IBTK: variants seen among roughly 807,000 people sequenced by gnomAD.
IBTK encodes the protein inhibitor of Bruton tyrosine kinase.
A neutral mutation model predicts 154.9 loss-of-function variants in IBTK; 83 were observed. That is an observed-to-expected ratio of 0.54 (90% CI 0.45 to 0.64). The LOEUF is 0.64. Among genes scored for constraint, IBTK ranks in the 30% least tolerant of loss-of-function variants. The pLI is 0.00. For synonymous variants in IBTK, 515 were observed against 536.1 expected, an observed-to-expected ratio of 0.96 and a Z score of 0.54; for missense variants, 1,332 against 1,584.6, an observed-to-expected ratio of 0.84 and a Z score of 2.71.
In IBTK at chr6:82,173,324, G is replaced by T. The variant is rs186685564; in HGVS notation, c.3797+43C>A. 76 of 1,405,212 alleles carry T rather than the reference G, an allele frequency of 5.4e-5. 1 individual carries two copies. The East Asian group carries it at 1.6e-3, about 30-fold the overall frequency. 87.0% of individuals were successfully genotyped at this position (1,405,212 alleles called of 1,614,324 possible). ...GCCTTAATGTTTTCAATGCTAAGCA[G>T]CAACTTAGCTTTGGAGGCCCATAAC... On this transcript the variant is annotated intron_variant, in intron 27 of 28. Coordinates refer to ENST00000306270, the MANE Select transcript of IBTK (RefSeq NM_015525.4).
chr6:82,175,072 A>G (rs567739866), intron 26 of IBTK: 7 of 454,600 alleles, frequency 1.5e-5, no homozygotes, highest in African/African-American at 1.4e-4. Context: ...CTGCTAGACT[A>G]GTCTCTTGGG....
chr6:82,209,922 T>C (rs1042747188), intron 16 of IBTK, among the ~76,000 whole-genome samples: 3 of 152,146 alleles, frequency 2.0e-5, no homozygotes, highest in Non-Finnish European at 4.4e-5. Context: ...CTCTGTTGGA[T>C]TATATTTGTT....
intron 15 of IBTK, 22 bp from the exon 16 acceptor site, chr6:82,210,932 A>G (rs1385356155): frequency 7.5e-7 from 1 of 1,335,516 alleles, no homozygotes; most frequent in South Asian, 1.4e-5. Context: ...AAGACAAAAT[A>G]AAGTAAAATA....
Position 82,214,434 on chromosome 6 carries a change from G to C in IBTK, c.1997C>G (p.Ser666Cys). ...ATGGAAATTCACTTTATTCAAATGAGAATTCAGAGTTCCCTGATATTCTTC... is the reference window on the plus strand; with the variant it reads ...ATGGAAATTCACTTTATTCAAATGACAATTCAGAGTTCCCTGATATTCTTC... ...NPEEYQGTLN[S>C]HLNKVNFHED... Residue 666 changes from serine (S) to cysteine (C), a missense_variant, in exon 12 of 29, where the codon TCT becomes TGT. This residue lies in a region of IBTK where 1,134 missense variants were observed against 1,274.7 expected (regional missense o/e 0.89). Coordinates refer to ENST00000306270, the MANE Select transcript of IBTK (RefSeq NM_015525.4). 1 of 1,613,934 alleles carries C rather than the reference G, an allele frequency of 6.2e-7. No individual in the cohort carries two copies. The highest frequency in any genetic ancestry group is 8.5e-7 in the Non-Finnish European group (1 of 1,179,920).
intron 16 of IBTK, chr6:82,205,305 T>C (rs1769359622): frequency 6.1e-6 from 1 of 163,060 alleles, no homozygotes; most frequent in South Asian, 2.0e-4. Flanking sequence ...ATCTCCCATG[T>C]TGTTAGAAAA....
intron 16 of IBTK, among the ~76,000 whole-genome samples, chr6:82,209,261 C>T (rs1011184452): frequency 6.6e-6 from 1 of 152,136 alleles, no homozygotes; most frequent in Non-Finnish European, 1.5e-5. Context: ...CACGCAAAAA[C>T]TTAGGCATGA....
At chr6:82,180,735 C>T (rs1201612225) in intron 26 of IBTK, among the ~76,000 whole-genome samples, 1 of 152,094 alleles carries the variant, frequency 6.6e-6, no homozygotes, top group Non-Finnish European at 1.5e-5. Context: ...TAAAAATATG[C>T]CTAAACATTT....
intron 22 of IBTK, among the ~76,000 whole-genome samples, chr6:82,195,503 G>A (rs570207220): frequency 5.9e-5 from 9 of 151,902 alleles, no homozygotes; most frequent in East Asian, 1.9e-4. Context: ...ACCTAAGCCC[G>A]GGAAATCAAA....
At position 82,201,476 on chromosome 6, in the gene IBTK, A is replaced by G. The variant is rs766506876; in HGVS notation, c.2736T>C (p.Leu912=). The G allele has an allele frequency of 4.4e-6, 7 of 1,601,738 alleles. No individual in the cohort carries two copies. Among genetic ancestry groups the G allele is most frequent in the Non-Finnish European group, 6.0e-6 (7 of 1,171,998 alleles). Residue 912 remains leucine, a synonymous_variant, in exon 19 of 29, where the codon CTT becomes CTC. Coordinates refer to ENST00000306270, the MANE Select transcript of IBTK (RefSeq NM_015525.4). ...NMAALLEARS[L]DVLSDGVLKD... ...TCAAAACACCATCGCTTAAAACATC[A>G]AGAGACCTAAAATATAGGATACAAA...
chr6:82,220,331 CAAT>C (rs1308088220), intron 9 of IBTK, among the ~76,000 whole-genome samples: 1 of 152,172 alleles, frequency 6.6e-6, no homozygotes, highest in African/African-American at 2.4e-5. Context: ...ATTTTAAGCA[CAAT>C]AAAATTTTTG....
chr6:82,171,651 C>CT, intron 28 of IBTK, 95 bp from the exon 29 acceptor site: 1 of 1,009,808 alleles, frequency 9.9e-7, no homozygotes, highest in Non-Finnish European at 1.5e-6. Flanking sequence ...GGAACTATCA[C>CT]TTTCCATGGA....
chr6:82,226,926 C>A (rs1770319993), intron 5 of IBTK, among the ~76,000 whole-genome samples: 1 of 152,132 alleles, frequency 6.6e-6, no homozygotes. Flanking sequence ...TCTTCTATTT[C>A]AACTCTAGAA....
intron 17 of IBTK, among the ~76,000 whole-genome samples, chr6:82,203,221 T>A (rs995464723): frequency 6.6e-6 from 1 of 152,140 alleles, no homozygotes; most frequent in Non-Finnish European, 1.5e-5. Context: ...AAAAATCTGA[T>A]ATACTGTGCA....
chr6:82,174,598 A>C (rs997333919), intron 26 of IBTK, among the ~76,000 whole-genome samples: 1 of 152,174 alleles, frequency 6.6e-6, no homozygotes, highest in Non-Finnish European at 1.5e-5. Context: ...AAGAGAAATA[A>C]AGTTTAAAAG....
chr6:82,186,190 T>C (rs1229684312), intron 25 of IBTK, among the ~76,000 whole-genome samples: 4 of 152,164 alleles, frequency 2.6e-5, no homozygotes, highest in Non-Finnish European at 4.4e-5. Context: ...CTCTCCTCCT[T>C]AGGCCTCCCT....
chr6:82,170,164 A>C lies in IBTK; in HGVS notation c.*1261T>G, dbSNP rs1767884023. The C allele has an allele frequency of 6.6e-6, 1 of 152,420 alleles. No individual in the cohort carries two copies. 9.4% of individuals were successfully genotyped at this position (152,420 alleles called of 1,614,324 possible). A position where few individuals can be genotyped will look rare whatever the true frequency, so the allele number is the denominator to read the frequency against. ...ACCATATACTGGCCACTAGTGTAGC[A>C]CATCAGAAAAAATAATTATTAACTC... is the stretch of plus-strand genomic sequence containing the variant. On this transcript the variant is annotated 3_prime_UTR_variant, in exon 29 of 29. Transcript: ENST00000306270.
chr6:82,209,114 G>A (rs966541380), intron 16 of IBTK, among the ~76,000 whole-genome samples: 1 of 152,174 alleles, frequency 6.6e-6, no homozygotes, highest in African/African-American at 2.4e-5. Flanking sequence ...GGAGAAACTG[G>A]AACCCTCACA....
At position 82,204,845 on chromosome 6, in the gene IBTK, A is replaced by G. The variant is rs1769337871; in HGVS notation, c.2611+12T>C. 1 of 1,503,970 alleles carries G rather than the reference A, an allele frequency of 6.6e-7. No individual in the cohort carries two copies. The highest frequency in any genetic ancestry group is 1.4e-5 in the African/African-American group (1 of 71,848). 93.2% of individuals were successfully genotyped at this position (1,503,970 alleles called of 1,614,324 possible). A position where few individuals can be genotyped will look rare whatever the true frequency, so the allele number is the denominator to read the frequency against. On this transcript the variant is annotated intron_variant, in intron 17 of 28. Transcript: ENST00000306270. ...TGAAAACATATTAATATTCAAACTCAAAATTACTCACGTTTTTCAGTTAAT... is the reference window on the plus strand; with the variant it reads ...TGAAAACATATTAATATTCAAACTCGAAATTACTCACGTTTTTCAGTTAAT...
At chr6:82,231,630 GTTATGTAA>G in intron 4 of IBTK, 80 bp downstream of exon 4, 1 of 977,168 alleles carries the variant, frequency 1.0e-6, no homozygotes, top group Non-Finnish European at 1.5e-6. Context: ...CTGAAACAAA[GTTATGTAA>G]TCCACATGAA....
Sources: gnomAD v4.1 joint callset for allele counts (sites outside exome capture counted in the v4.1 genomes callset) on GRCh38, gnomAD v4.1.1 for gene constraint, gnomAD v4.1.1 regional missense constraint, MANE v1.5 for transcripts, NCBI Gene and HGNC (gene_info 2026-07-23, HGNC 2026-07-21) for gene names.